NTM: variants seen among roughly 807,000 people sequenced by gnomAD.
NTM encodes the protein IgLON family member 2.
A neutral mutation model predicts 42.1 loss-of-function variants in NTM; 13 were observed. The observed-to-expected ratio is 0.31, with a 90% CI of 0.20 to 0.49. The LOEUF is 0.49. NTM is among the 20% of genes least tolerant of loss of function. The pLI is 0.99. For missense variants in NTM, 373 were observed against 452.8 expected (o/e 0.82, Z 1.60); for synonymous variants, 187 against 179.2 (o/e 1.04, Z -0.35).
chr11:132,140,862 C>T (rs889807030), intron 2 of NTM: 1 of 152,164 alleles, frequency 6.6e-6, no homozygotes, highest in African/African-American at 2.4e-5. Context: ...CTCAGAGGCA[C>T]CAAACTTAGG....
chr11:132,212,285 T>C, intron 4 of NTM, 138 bp downstream of exon 4: 1 of 659,044 alleles, frequency 1.5e-6, no homozygotes, highest in Non-Finnish European at 2.6e-6. Flanking sequence ...TACTCATGGC[T>C]CTGCAGAGAA....
Position 131,433,030 on chromosome 11 carries a change from A to AT in NTM, c.82+62144dup, listed in dbSNP as rs1030864516. The stretch of plus-strand genomic sequence containing the variant: ...CCACCACGCCCGGCTAATTTTTTGT[A>AT]TTCTTTTTAGTAGAGACAGGGTTTC... On this transcript the variant is annotated intron_variant, in intron 1 of 8. Transcript: ENST00000683400. 8.7e-5 allele frequency among the ~76,000 whole-genome samples: 13 copies of AT among 150,192 alleles called. 1 individual carries two copies. The highest frequency in any genetic ancestry group is 3.4e-3 in the Middle Eastern group (1 of 290).
At chr11:132,291,877 G>A (rs1414177820) in intron 4 of NTM, among the ~76,000 whole-genome samples, 1 of 152,168 alleles carries the variant, frequency 6.6e-6, no homozygotes, top group Non-Finnish European at 1.5e-5. Context: ...TAGGTTCGGT[G>A]GAGAGGTGTG....
chr11:131,853,303 G>A (rs1011751995), intron 1 of NTM, among the ~76,000 whole-genome samples: 2 of 152,112 alleles, frequency 1.3e-5, no homozygotes, highest in African/African-American at 4.8e-5. Context: ...AGGCAAACAT[G>A]TGCCATGGTG....
At position 131,795,583 on chromosome 11, in the gene NTM, C is replaced by T. The variant is rs371610482; in HGVS notation, c.83-115981C>T. The stretch of plus-strand genomic sequence containing the variant: ...GATGTTTGCATAACGGGAGTCCCCG[C>T]GAGAACCCTGGTCCCACAGAGTCAT... On this transcript the variant is annotated intron_variant, in intron 1 of 8. Coordinates refer to ENST00000683400, the MANE Select transcript of NTM (RefSeq NM_001352005.2). 80 of 985,366 alleles carry T rather than the reference C, an allele frequency of 8.1e-5. 2 individuals are homozygous for T. Among genetic ancestry groups the T allele is most frequent in the African/African-American group, 5.6e-4 (32 of 57,334 alleles). 61.0% of individuals were successfully genotyped at this position (985,366 alleles called of 1,614,324 possible).
At chr11:131,995,867 A>G (rs1307101427) in intron 2 of NTM, among the ~76,000 whole-genome samples, 1 of 151,656 alleles carries the variant, frequency 6.6e-6, no homozygotes, top group East Asian at 1.9e-4. Context: ...GAAAATAGGA[A>G]TTAAGGCAGG....
Position 132,112,550 on chromosome 11 carries a change from G to A in NTM, c.168-33732G>A, listed in dbSNP as rs1255253817. On this transcript the variant is annotated intron_variant, in intron 2 of 8. Coordinates refer to ENST00000683400, the MANE Select transcript of NTM (RefSeq NM_001352005.2). ...AAAACGAGACTCCCAGTGGGAGGGT[G>A]TGTACTGCCAAGTACTATGTAGGCA... 2.6e-5 allele frequency among the ~76,000 whole-genome samples: 4 copies of A among 152,276 alleles called. No homozygotes were observed. The East Asian group carries it at 7.7e-4, about 29-fold the overall frequency.
At chr11:131,771,651 A>G (rs2086115035) in intron 1 of NTM, 1 of 152,182 alleles carries the variant, frequency 6.6e-6, no homozygotes, top group Non-Finnish European at 1.5e-5. Context: ...CTGTGTACAC[A>G]CTGGATCTCA....
At chr11:132,011,507 C>A (rs1009120909) in intron 2 of NTM, among the ~76,000 whole-genome samples, 5 of 152,220 alleles carry the variant, frequency 3.3e-5, no homozygotes, top group African/African-American at 1.2e-4. Context: ...CTGTTTATGT[C>A]TAATGTGTTC....
At chr11:131,593,463 T>C (rs1429698604) in intron 1 of NTM, among the ~76,000 whole-genome samples, 2 of 152,168 alleles carry the variant, frequency 1.3e-5, no homozygotes, top group East Asian at 3.9e-4. Context: ...GTCCATGGGC[T>C]CAAGGCAACT....
chr11:132,034,069 A>T (rs2076231297), intron 2 of NTM, among the ~76,000 whole-genome samples: 2 of 152,228 alleles, frequency 1.3e-5, no homozygotes, highest in African/African-American at 4.8e-5. Flanking sequence ...TTGAGGCATT[A>T]TCAAAATACA....
At chr11:131,401,628 C>T (rs901213119) in intron 1 of NTM, among the ~76,000 whole-genome samples, 2 of 150,654 alleles carry the variant, frequency 1.3e-5, no homozygotes, top group African/African-American at 2.4e-5. Flanking sequence ...CCACCTGTGC[C>T]CCTCTACTCT....
At chr11:131,776,839 T>C (rs963515003) in intron 1 of NTM, among the ~76,000 whole-genome samples, 3 of 152,120 alleles carry the variant, frequency 2.0e-5, no homozygotes, top group Non-Finnish European at 4.4e-5. Context: ...ATCCTCAGCA[T>C]CCAGCCAGCC....
intron 1 of NTM, among the ~76,000 whole-genome samples, chr11:131,706,208 C>A (rs74456636): frequency 6.6e-6 from 1 of 151,566 alleles, no homozygotes; most frequent in Non-Finnish European, 1.5e-5. Flanking sequence ...AAAAAATAGA[C>A]TTTAAGTCAA....
At chr11:132,150,062 C>T (rs958686295) in intron 3 of NTM, among the ~76,000 whole-genome samples, 3 of 152,146 alleles carry the variant, frequency 2.0e-5, no homozygotes, top group Admixed American at 2.0e-4. Flanking sequence ...GCAGCCTGTA[C>T]AAGCACAGCA....
intron 1 of NTM, among the ~76,000 whole-genome samples, chr11:131,723,154 T>C (rs1359191912): frequency 6.6e-6 from 1 of 152,226 alleles, no homozygotes; most frequent in Non-Finnish European, 1.5e-5. Flanking sequence ...ATCCTCCTTC[T>C]GGAGTCTAGC....
At chr11:131,964,784 C>T (rs1317667556) in intron 2 of NTM, among the ~76,000 whole-genome samples, 1 of 152,180 alleles carries the variant, frequency 6.6e-6, no homozygotes, top group Non-Finnish European at 1.5e-5. Flanking sequence ...GCTCATTCCA[C>T]ATTTTAATGC....
chr11:131,597,387 C>T (rs2059906418), intron 1 of NTM, among the ~76,000 whole-genome samples: 1 of 152,126 alleles, frequency 6.6e-6, no homozygotes, highest in Non-Finnish European at 1.5e-5. Flanking sequence ...GCGCTGCTTT[C>T]CCCACCACTT....
chr11:132,199,068 G>T (rs1381083708), intron 3 of NTM, among the ~76,000 whole-genome samples: 1 of 152,240 alleles, frequency 6.6e-6, no homozygotes, highest in Admixed American at 6.5e-5. Context: ...TTCTTTGGTA[G>T]AACAGTCACA....
Sources: gnomAD v4.1 joint callset for allele counts (sites outside exome capture counted in the v4.1 genomes callset) on GRCh38, gnomAD v4.1.1 for gene constraint, MANE v1.5 for transcripts, NCBI Gene and HGNC (gene_info 2026-07-23, HGNC 2026-07-21) for gene names.